The following SNW1 variants were observed in gnomAD, a reference collection of about 807,000 sequenced individuals.
SNW1 encodes the protein SNW domain-containing protein 1.
SNW1 carries 9 observed loss-of-function variants against 75.6 expected under a neutral mutation model. The observed-to-expected ratio is 0.12, with a 90% CI of 0.07 to 0.21. The LOEUF is 0.21. Among genes scored for constraint, SNW1 ranks in the 10% least tolerant of loss-of-function variants. SNW1 has a pLI of 1.00. For missense variants in SNW1, 409 were observed against 670.9 expected (o/e 0.61, Z 4.31); for synonymous variants, 200 against 219.1 (o/e 0.91, Z 0.77).
At chr14:77,751,563 T>C in intron 2 of SNW1, 83 bp from the exon 3 acceptor site, 1 of 1,149,196 alleles carries the variant, frequency 8.7e-7, no homozygotes, top group Non-Finnish European at 1.2e-6. Flanking sequence ...AAGTAATTGT[T>C]GAGTCCTTAG....
chr14:77,755,974 G>A (rs1298755683), intron 1 of SNW1, among the ~76,000 whole-genome samples: 2 of 150,842 alleles, frequency 1.3e-5, no homozygotes, highest in South Asian at 2.1e-4. Context: ...CCCGACCGCA[G>A]GTGATGTGCC....
At chr14:77,723,323 G>C in intron 10 of SNW1, 46 bp from the exon 11 acceptor site, 1 of 1,318,144 alleles carries the variant, frequency 7.6e-7, no homozygotes, top group Non-Finnish European at 1.1e-6. Context: ...TGTATTATAT[G>C]TGTGCATACG....
intron 10 of SNW1, among the ~76,000 whole-genome samples, chr14:77,729,322 A>G (rs183702963): frequency 5.9e-5 from 9 of 152,304 alleles, no homozygotes; most frequent in Admixed American, 2.0e-4. Flanking sequence ...AAAGTTCTGG[A>G]GTCATCCTTA....
rs975615276 is a variant in SNW1, at chr14:77,749,445, G to A, written c.330+1874C>T. On this transcript the variant is annotated intron_variant, in intron 3 of 13. Coordinates refer to ENST00000261531, the MANE Select transcript of SNW1 (RefSeq NM_012245.3). ...AGGTGGTAGCTAGACAGAACACTGC[G>A]AGTAGGTACTCAGGGAAAAGCCTAT... is the stretch of plus-strand genomic sequence containing the variant. Among the ~76,000 whole-genome samples, 12 of 152,284 alleles carry A rather than the reference G, an allele frequency of 7.9e-5. 1 individual carries two copies. In the South Asian group the frequency reaches 2.3e-3, roughly 29 times the overall value.
chr14:77,722,354 T>G (rs1406799063), intron 11 of SNW1: 2 of 332,398 alleles, frequency 6.0e-6, no homozygotes, highest in Admixed American at 3.9e-5. Flanking sequence ...TATGGATAGC[T>G]CTGTCTTTCT....
intron 10 of SNW1, among the ~76,000 whole-genome samples, chr14:77,729,489 G>T (rs905687544): frequency 3.9e-5 from 6 of 152,086 alleles, no homozygotes; most frequent in Non-Finnish European, 1.5e-5. Flanking sequence ...CCATTCCACA[G>T]TATTCTATTT....
At chr14:77,737,124 G>T in intron 5 of SNW1, 49 bp from the exon 6 acceptor site, 2 of 1,320,572 alleles carry the variant, frequency 1.5e-6, no homozygotes, top group Non-Finnish European at 2.2e-6. Flanking sequence ...CAAGCTTTCA[G>T]TAGGTATTTT....
At position 77,741,096 on chromosome 14, in the gene SNW1, CAAAAA is replaced by C. The variant is rs60307573; in HGVS notation, c.331-2040_331-2036del. ...TGAGCAACAAGAGTGAAACTGTCTC[CAAAAA>C]AAAAAAAAAAAAAAAAAGTGTCTCC... On this transcript the variant is annotated intron_variant, in intron 3 of 13. Transcript: ENST00000261531. 1.9e-3 allele frequency among the ~76,000 whole-genome samples: 169 copies of C among 87,274 alleles called. 1 individual carries two copies. The highest frequency in any genetic ancestry group is 7.2e-3 in the African/African-American group (159 of 22,074). 57.3% of individuals were successfully genotyped at this position (87,274 alleles called of 152,430 possible). A position where few individuals can be genotyped will look rare whatever the true frequency, so the allele number is the denominator to read the frequency against.
intron 1 of SNW1, 146 bp downstream of exon 1, chr14:77,760,968 G>A: frequency 1.3e-6 from 2 of 1,586,194 alleles, no homozygotes; most frequent in South Asian, 1.1e-5. Flanking sequence ...TCGTAGCGGC[G>A]GCCAGCGGGA....
At chr14:77,755,928 AG>A (rs1430467218) in intron 1 of SNW1, among the ~76,000 whole-genome samples, 3 of 148,466 alleles carry the variant, frequency 2.0e-5, no homozygotes, top group Admixed American at 2.0e-4. Flanking sequence ...TAGTAGAGAC[AG>A]GGTTTCGCCA....
At chr14:77,745,071 C>T (rs1405113068) in intron 3 of SNW1, among the ~76,000 whole-genome samples, 1 of 152,068 alleles carries the variant, frequency 6.6e-6, no homozygotes, top group Non-Finnish European at 1.5e-5. Context: ...GCACCAAAGA[C>T]GGAAATATAA....
intron 11 of SNW1, among the ~76,000 whole-genome samples, chr14:77,721,837 T>C (rs111230847): frequency 1.3e-5 from 2 of 152,296 alleles, no homozygotes; most frequent in South Asian, 2.1e-4. Context: ...AACCTCCGCC[T>C]CCAGGGTTCA....
At position 77,759,997 on chromosome 14, in the gene SNW1, G is replaced by A. The variant is rs534395412; in HGVS notation, c.14+1117C>T. ...AAAGCAAAAAAATTTTAGAAACGAGGGTGGGGAGAAAACTCTCCAGCCCAC... is the reference window on the plus strand; with the variant it reads ...AAAGCAAAAAAATTTTAGAAACGAGAGTGGGGAGAAAACTCTCCAGCCCAC... On this transcript the variant is annotated intron_variant, in intron 1 of 13. Transcript: ENST00000261531. Among the ~76,000 whole-genome samples the A allele has an allele frequency of 2.6e-5, 4 of 152,058 alleles. No homozygotes were observed. The South Asian group carries it at 8.3e-4, about 32-fold the overall frequency.
rs533566821 is a variant in SNW1 at position 77,752,491 on chromosome 14, T to A, written c.169-1011A>T. 3.3e-5 allele frequency among the ~76,000 whole-genome samples: 5 copies of A among 152,326 alleles called. No individual in the cohort carries two copies. In the South Asian group the frequency reaches 8.3e-4, roughly 25 times the overall value. On this transcript the variant is annotated intron_variant, in intron 2 of 13. Transcript: ENST00000261531. ...ACACTTTAAACATGATTCACACATG[T>A]ATTATCTCATTTAATCCTTGTAACT... is the stretch of plus-strand genomic sequence containing the variant.
At chr14:77,752,740 G>A (rs1347809298) in intron 2 of SNW1, among the ~76,000 whole-genome samples, 1 of 151,978 alleles carries the variant, frequency 6.6e-6, no homozygotes, top group Non-Finnish European at 1.5e-5. Context: ...TCATTTAGAG[G>A]GGGTTTGATG....
chr14:77,722,789 C>A, intron 11 of SNW1: 1 of 401,952 alleles, frequency 2.5e-6, no homozygotes, highest in South Asian at 1.9e-5. Context: ...TGGACTAAAA[C>A]TCTGCTCTAA....
chr14:77,732,149 G>C (rs1566829147), intron 9 of SNW1, among the ~76,000 whole-genome samples: 1 of 152,194 alleles, frequency 6.6e-6, no homozygotes, highest in African/African-American at 2.4e-5. Flanking sequence ...TCCTGCAACT[G>C]CCCTTTTGGG....
chr14:77,722,438 G>T, intron 11 of SNW1: 1 of 430,988 alleles, frequency 2.3e-6, no homozygotes, highest in Non-Finnish European at 4.6e-6. Flanking sequence ...CTCCTCAATT[G>T]TACTAGATGC....
chr14:77,732,683 G>A (rs1477478624), intron 8 of SNW1, 82 bp from the exon 9 acceptor site: 10 of 827,900 alleles, frequency 1.2e-5, no homozygotes, highest in Admixed American at 6.1e-5. Flanking sequence ...TATTTTTTTC[G>A]AGCTGGAGTC....
Sources: gnomAD v4.1 joint callset for allele counts (sites outside exome capture counted in the v4.1 genomes callset) on GRCh38, gnomAD v4.1.1 for gene constraint, MANE v1.5 for transcripts, NCBI Gene and HGNC (gene_info 2026-07-23, HGNC 2026-07-21) for gene names.